ALCAM: variants seen among roughly 807,000 people sequenced by gnomAD.
ALCAM encodes the protein CD166 antigen.
ALCAM carries 30 observed loss-of-function variants against 70.9 expected under a neutral mutation model. That is an observed-to-expected ratio of 0.42 (90% CI 0.32 to 0.57). ALCAM has a LOEUF of 0.57. ALCAM is among the 20% of genes least tolerant of loss of function. The pLI, the probability that ALCAM is intolerant of heterozygous loss-of-function variation, is 0.11. For missense variants in ALCAM, 591 were observed against 695.1 expected (o/e 0.85, Z 1.68); for synonymous variants, 249 against 242.5 (o/e 1.03, Z -0.25).
At chr3:105,474,166 ACAACAT>A (rs1938027701) in intron 1 of ALCAM, among the ~76,000 whole-genome samples, 1 of 151,700 alleles carries the variant, frequency 6.6e-6, no homozygotes, top group Non-Finnish European at 1.5e-5. Flanking sequence ...TGTTTTTCCA[ACAACAT>A]CAAATAGATT....
chr3:105,552,158 C>T lies in ALCAM; in HGVS notation c.1522C>T (p.His508Tyr). 1 of 1,600,408 alleles carries T rather than the reference C, an allele frequency of 6.2e-7. No individual in the cohort carries two copies. Among genetic ancestry groups the T allele is most frequent in the South Asian group, 1.1e-5 (1 of 88,406 alleles). ...LNVSAISIPE[H>Y]DEADEISDEN... is the part of the protein sequence containing the mutation. ...TTTCATTTCAGTAAGTATTCCAGAACACGATGAGGCAGACGAGATAAGTGG... is the reference window on the plus strand; with the variant it reads ...TTTCATTTCAGTAAGTATTCCAGAATACGATGAGGCAGACGAGATAAGTGG... The change falls in exon 13 of 16, where the codon CAC becomes TAC. Residue 508 changes from histidine (H) to tyrosine (Y), a missense_variant. Coordinates refer to ENST00000306107, the MANE Select transcript of ALCAM (RefSeq NM_001627.4).
At chr3:105,407,442 C>T (rs1217964299) in intron 1 of ALCAM, among the ~76,000 whole-genome samples, 1 of 151,860 alleles carries the variant, frequency 6.6e-6, no homozygotes, top group African/African-American at 2.4e-5. Flanking sequence ...ATGCGATACA[C>T]CACATAAACA....
At chr3:105,524,075 G>C (rs1378320980) in intron 2 of ALCAM, among the ~76,000 whole-genome samples, 1 of 151,786 alleles carries the variant, frequency 6.6e-6, no homozygotes, top group Non-Finnish European at 1.5e-5. Context: ...CTGATTCCTA[G>C]AGCTCTACCC....
At chr3:105,378,120 T>A (rs1043547717) in intron 1 of ALCAM, among the ~76,000 whole-genome samples, 8 of 151,924 alleles carry the variant, frequency 5.3e-5, no homozygotes, top group African/African-American at 7.2e-5. Context: ...CAAATTTTTT[T>A]AAAAATCAGT....
intron 14 of ALCAM, among the ~76,000 whole-genome samples, chr3:105,570,912 GTC>G (rs1343333737): frequency 6.6e-6 from 1 of 152,104 alleles, no homozygotes; most frequent in Non-Finnish European, 1.5e-5. Flanking sequence ...GTCTGCAATT[GTC>G]TCTTATTCTG....
intron 1 of ALCAM, among the ~76,000 whole-genome samples, chr3:105,456,054 G>A (rs1937532221): frequency 1.3e-5 from 2 of 152,108 alleles, no homozygotes; most frequent in Admixed American, 1.3e-4. Flanking sequence ...ACTCTAGCCT[G>A]GGCGACAGAG....
At chr3:105,415,731 C>G (rs563545220) in intron 1 of ALCAM, among the ~76,000 whole-genome samples, 1 of 152,054 alleles carries the variant, frequency 6.6e-6, no homozygotes, top group African/African-American at 2.4e-5. Flanking sequence ...AGATTTATGT[C>G]AAAATATTAT....
At position 105,537,482 on chromosome 3, in the gene ALCAM, T is replaced by C. The variant is rs532059014; in HGVS notation, c.731-2493T>C. Among the ~76,000 whole-genome samples the C allele has an allele frequency of 3.3e-5, 5 of 152,258 alleles. No homozygotes were observed. In the South Asian group the frequency reaches 1.0e-3, roughly 32 times the overall value. The stretch of plus-strand genomic sequence containing the variant: ...CCTTCCCCCTCCCCCAATTGCAGTA[T>C]GCCTTGAGTTCGTTTTAGCCATGGT... On this transcript the variant is annotated intron_variant, in intron 6 of 15. Transcript: ENST00000306107.
intron 1 of ALCAM, among the ~76,000 whole-genome samples, chr3:105,415,457 A>C (rs903383411): frequency 6.6e-6 from 1 of 152,114 alleles, no homozygotes; most frequent in Non-Finnish European, 1.5e-5. Context: ...ATAGGAAATA[A>C]ACATTTCTGT....
chr3:105,543,989 A>G (rs1214127738), intron 8 of ALCAM, among the ~76,000 whole-genome samples: 1 of 151,576 alleles, frequency 6.6e-6, no homozygotes, highest in Admixed American at 6.6e-5. Flanking sequence ...CACAATCACT[A>G]CCCTCATGGT....
At chr3:105,492,701 A>G (rs916645275) in intron 1 of ALCAM, among the ~76,000 whole-genome samples, 8 of 152,246 alleles carry the variant, frequency 5.3e-5, no homozygotes. Context: ...TAGCAATGTA[A>G]TGCTATCATA....
chr3:105,501,652 T>C (rs1328715172), intron 1 of ALCAM, among the ~76,000 whole-genome samples: 1 of 152,190 alleles, frequency 6.6e-6, no homozygotes, highest in Non-Finnish European at 1.5e-5. Context: ...GAAATGTAGT[T>C]TATTTTTCTT....
chr3:105,522,739 A>G (rs1939577543), intron 2 of ALCAM, among the ~76,000 whole-genome samples: 1 of 152,228 alleles, frequency 6.6e-6, no homozygotes, highest in Non-Finnish European at 1.5e-5. Context: ...GACCTTGGAA[A>G]GTTACTTAAC....
chr3:105,471,161 T>C (rs1404650253), intron 1 of ALCAM, among the ~76,000 whole-genome samples: 2 of 151,418 alleles, frequency 1.3e-5, no homozygotes, highest in Non-Finnish European at 3.0e-5. Context: ...AATTTGAATG[T>C]CACTTGGAAG....
At chr3:105,374,619 C>T (rs556285600) in intron 1 of ALCAM, among the ~76,000 whole-genome samples, 2 of 152,196 alleles carry the variant, frequency 1.3e-5, no homozygotes, top group East Asian at 3.9e-4. Context: ...CGAGTTCAAG[C>T]GATTCTCCTG....
Position 105,524,464 on chromosome 3 carries a change from C to T in ALCAM, c.350C>T (p.Thr117Ile). The T allele has an allele frequency of 6.2e-7, 1 of 1,614,078 alleles. No homozygotes were observed. Among genetic ancestry groups the T allele is most frequent in the South Asian group, 1.1e-5 (1 of 91,078 alleles). Residue 117 changes from threonine to isoleucine, a missense_variant, in exon 3 of 16, where the codon ACT (threonine) becomes ATT (isoleucine). This residue lies in a region of ALCAM where 427 missense variants were observed against 450.4 expected (regional missense o/e 0.95). Transcript: ENST00000306107. ...AAGAGATTTGTGTGCATGCTAGTAA[C>T]TGAGGACAACGTGTTTGAGGCACCT... The part of the protein sequence containing the change: ...DEKRFVCMLV[T>I]EDNVFEAPTI...
intron 1 of ALCAM, among the ~76,000 whole-genome samples, chr3:105,419,529 G>A (rs1404856859): frequency 6.6e-6 from 1 of 151,780 alleles, no homozygotes; most frequent in Admixed American, 6.6e-5. Flanking sequence ...AAACTGCATT[G>A]CAGAGAACAT....
intron 1 of ALCAM, among the ~76,000 whole-genome samples, chr3:105,484,300 A>G (rs1215915468): frequency 6.7e-6 from 1 of 149,630 alleles, no homozygotes; most frequent in Non-Finnish European, 1.5e-5. Context: ...TTTTAGTTAT[A>G]TATATATATT....
intron 5 of ALCAM, among the ~76,000 whole-genome samples, chr3:105,534,320 T>G (rs1400827776): frequency 6.6e-6 from 1 of 152,202 alleles, no homozygotes. Context: ...GCTATGACTC[T>G]TATGCTCTGT....
Sources: gnomAD v4.1 joint callset for allele counts (sites outside exome capture counted in the v4.1 genomes callset) on GRCh38, gnomAD v4.1.1 for gene constraint, gnomAD v4.1.1 regional missense constraint, MANE v1.5 for transcripts, NCBI Gene and HGNC (gene_info 2026-07-23, HGNC 2026-07-21) for gene names.